Variants in SEMA6D observed in about 807,000 individuals in gnomAD.
SEMA6D encodes semaphorin 6D, also known as semaphorin-6D.
Under a neutral mutation model 106.6 loss-of-function variants are expected in SEMA6D, and 35 were observed. The observed-to-expected ratio is 0.33, with a 90% CI of 0.25 to 0.44. The LOEUF is 0.44. SEMA6D is among the 20% of genes least tolerant of loss of function. The probability of loss-of-function intolerance (pLI) is 1.00; values close to 1 mark genes in which losing one functional copy is unlikely to be tolerated. For missense variants in SEMA6D, 1,185 were observed against 1,345.9 expected (o/e 0.88, Z 1.87); for synonymous variants, 499 against 487.7 (o/e 1.02, Z -0.31).
chr15:47,686,812 T>C (rs1338048350), intron 4 of SEMA6D, among the ~76,000 whole-genome samples: 1 of 152,134 alleles, frequency 6.6e-6, no homozygotes, highest in Non-Finnish European at 1.5e-5. Flanking sequence ...ACACCTGTAG[T>C]CCCAGCACTT....
chr15:47,318,021 G>GT (rs1595718601), intron 1 of SEMA6D, among the ~76,000 whole-genome samples: 1 of 72,478 alleles, frequency 1.4e-5, no homozygotes, highest in Non-Finnish European at 3.7e-5. Context: ...TTGTCCCACA[G>GT]TTCTTTTTTT....
At chr15:47,550,355 G>T (rs1231530176) in intron 3 of SEMA6D, among the ~76,000 whole-genome samples, 1 of 152,126 alleles carries the variant, frequency 6.6e-6, no homozygotes, top group East Asian at 1.9e-4. Flanking sequence ...TAACAAGGAA[G>T]AGGGGAGAAA....
At chr15:47,605,236 G>C (rs1030437938) in intron 4 of SEMA6D, 1 of 152,096 alleles carries the variant, frequency 6.6e-6, no homozygotes, top group African/African-American at 2.4e-5. Flanking sequence ...TGTTAGCAGA[G>C]CCCTCTGCTT....
intron 1 of SEMA6D, among the ~76,000 whole-genome samples, chr15:47,393,794 C>T (rs1479860466): frequency 2.6e-5 from 4 of 152,174 alleles, no homozygotes; most frequent in African/African-American, 9.7e-5. Flanking sequence ...CACTTCCATG[C>T]ATAACACTGC....
intron 1 of SEMA6D, among the ~76,000 whole-genome samples, chr15:47,383,287 G>A (rs181930520): frequency 3.3e-5 from 5 of 152,288 alleles, no homozygotes; most frequent in East Asian, 1.9e-4. Context: ...GTGGGCAAAG[G>A]TTTCTAGCAG....
At chr15:47,227,987 G>A (rs1302212159) in intron 1 of SEMA6D, among the ~76,000 whole-genome samples, 1 of 129,814 alleles carries the variant, frequency 7.7e-6, no homozygotes, top group Non-Finnish European at 1.6e-5. Context: ...ATATATATAA[G>A]ATTCTTATAT....
chr15:47,701,946 G>A (rs533876439), intron 4 of SEMA6D, among the ~76,000 whole-genome samples: 6 of 152,256 alleles, frequency 3.9e-5, no homozygotes, highest in African/African-American at 1.4e-4. Context: ...TAGTTTGCTG[G>A]TTCTATAGTA....
chr15:47,368,511 C>G (rs896457642), intron 1 of SEMA6D, among the ~76,000 whole-genome samples: 19 of 152,114 alleles, frequency 1.2e-4, no homozygotes, highest in Admixed American at 9.8e-4. Flanking sequence ...CGCTCTGTCG[C>G]CCAGGCTGGA....
chr15:47,385,107 A>G (rs2145705550), intron 1 of SEMA6D, among the ~76,000 whole-genome samples: 1 of 148,108 alleles, frequency 6.8e-6, no homozygotes, highest in Admixed American at 6.9e-5. Context: ...CATTATATAC[A>G]ACAGTTTTCA....
At chr15:47,692,685 G>A (rs1005123513) in intron 4 of SEMA6D, among the ~76,000 whole-genome samples, 1 of 152,208 alleles carries the variant, frequency 6.6e-6, no homozygotes, top group African/African-American at 2.4e-5. Flanking sequence ...CTTGGGGTCT[G>A]TTTGCAGACA....
chr15:47,668,487 A>G (rs930737022), intron 4 of SEMA6D, among the ~76,000 whole-genome samples: 1 of 152,172 alleles, frequency 6.6e-6, no homozygotes, highest in Admixed American at 6.6e-5. Context: ...CCCTGGTTTC[A>G]TACATCTCAG....
chr15:47,228,973 A>G (rs544943144), intron 1 of SEMA6D, among the ~76,000 whole-genome samples: 31 of 152,136 alleles, frequency 2.0e-4, no homozygotes, highest in African/African-American at 7.5e-4. Flanking sequence ...TTATTCAATT[A>G]ATCACTGAAT....
At chr15:47,452,622 GTTTGT>G (rs1270351623) in intron 2 of SEMA6D, among the ~76,000 whole-genome samples, 3 of 151,702 alleles carry the variant, frequency 2.0e-5, no homozygotes, top group Non-Finnish European at 2.9e-5. Context: ...ATGTTTTTGG[GTTTGT>G]TTTATTTTTT....
chr15:47,515,407 C>T (rs2044357939), intron 3 of SEMA6D, among the ~76,000 whole-genome samples: 1 of 152,142 alleles, frequency 6.6e-6, no homozygotes, highest in Non-Finnish European at 1.5e-5. Flanking sequence ...CCATGAAAGT[C>T]AACTCCACCA....
At chr15:47,232,826 G>A (rs1304495844) in intron 1 of SEMA6D, among the ~76,000 whole-genome samples, 1 of 151,564 alleles carries the variant, frequency 6.6e-6, no homozygotes, top group Admixed American at 6.6e-5. Context: ...TATATTTTGG[G>A]TCCTAGACCA....
At chr15:47,752,387 T>C (rs754932236) in intron 1 of SEMA6D, among the ~76,000 whole-genome samples, 1 of 152,194 alleles carries the variant, frequency 6.6e-6, no homozygotes, top group Non-Finnish European at 1.5e-5. Context: ...TAGGTACTTG[T>C]AGGTCATCAG....
chr15:47,329,430 GATAGAA>G (rs1567002297), intron 1 of SEMA6D, among the ~76,000 whole-genome samples: 1 of 152,204 alleles, frequency 6.6e-6, no homozygotes, highest in African/African-American at 2.4e-5. Flanking sequence ...GATATTTAGA[GATAGAA>G]ATAGATGAGA....
At chr15:47,267,424 C>A (rs1001870205) in intron 1 of SEMA6D, among the ~76,000 whole-genome samples, 3 of 151,548 alleles carry the variant, frequency 2.0e-5, no homozygotes, top group Admixed American at 6.6e-5. Flanking sequence ...TGTTTTGCAT[C>A]CTGGTCTATG....
intron 1 of SEMA6D, among the ~76,000 whole-genome samples, chr15:47,371,909 T>A (rs903883124): frequency 6.6e-6 from 1 of 152,220 alleles, no homozygotes; most frequent in African/African-American, 2.4e-5. Flanking sequence ...GCAGTTATAC[T>A]TTCCCCGTTT....
Sources: gnomAD v4.1 joint callset for allele counts (sites outside exome capture counted in the v4.1 genomes callset) on GRCh38, gnomAD v4.1.1 for gene constraint, MANE v1.5 for transcripts, NCBI Gene and HGNC (gene_info 2026-07-23, HGNC 2026-07-21) for gene names.